The following LPCAT2 variants were observed in gnomAD, a reference collection of about 807,000 sequenced individuals.
The protein encoded by LPCAT2 is lysophosphatidylcholine acyltransferase 2.
Under a neutral mutation model 64.7 loss-of-function variants are expected in LPCAT2, and 58 were observed. That is an observed-to-expected ratio of 0.90 (90% CI 0.73 to 1.12). LPCAT2 has a LOEUF of 1.12. Among genes scored for constraint, LPCAT2 ranks in the 50% most tolerant of loss-of-function variants. The pLI is 0.00. For synonymous variants in LPCAT2, 252 were observed against 245.3 expected, an observed-to-expected ratio of 1.03 and a Z score of -0.26; for missense variants, 579 against 669.8, an observed-to-expected ratio of 0.86 and a Z score of 1.50.
chr16:55,546,222 T>C (rs896009264), intron 9 of LPCAT2, among the ~76,000 whole-genome samples: 4 of 151,936 alleles, frequency 2.6e-5, no homozygotes, highest in African/African-American at 9.7e-5. Flanking sequence ...CAAAAAGAGA[T>C]GCATAGAAGA....
chr16:55,543,288 A>G (rs987387085), intron 8 of LPCAT2, among the ~76,000 whole-genome samples: 8 of 152,210 alleles, frequency 5.3e-5, no homozygotes, highest in Non-Finnish European at 8.8e-5. Flanking sequence ...GTTATTAAAA[A>G]TCATTTTATG....
intron 11 of LPCAT2, among the ~76,000 whole-genome samples, chr16:55,568,275 C>T (rs1596884727): frequency 1.3e-5 from 2 of 152,310 alleles, no homozygotes; most frequent in East Asian, 3.9e-4. Context: ...AATGTTTGCT[C>T]TTACACGTAC....
At chr16:55,553,224 C>T (rs1038045198) in intron 11 of LPCAT2, among the ~76,000 whole-genome samples, 24 of 151,300 alleles carry the variant, frequency 1.6e-4, no homozygotes, top group South Asian at 8.4e-4. Flanking sequence ...GCAACAAGAG[C>T]GAAACTCCAT....
chr16:55,514,810 G>A (rs1370767681), intron 1 of LPCAT2, among the ~76,000 whole-genome samples: 1 of 151,310 alleles, frequency 6.6e-6, no homozygotes, highest in Non-Finnish European at 1.5e-5. Flanking sequence ...AATAACTAAA[G>A]GAAACCATGT....
chr16:55,567,457 T>C (rs1963717714), intron 11 of LPCAT2: 1 of 1,613,696 alleles, frequency 6.2e-7, no homozygotes, highest in African/African-American at 1.3e-5. Flanking sequence ...GATGGCCTGA[T>C]TCAAGTGTCT....
At chr16:55,531,460 C>T (rs912078743) in intron 4 of LPCAT2, among the ~76,000 whole-genome samples, 1 of 152,094 alleles carries the variant, frequency 6.6e-6, no homozygotes, top group South Asian at 2.1e-4. Flanking sequence ...GCACATTGTA[C>T]ACATATCTTT....
At chr16:55,578,105 A>T (rs1380309923) in intron 12 of LPCAT2, among the ~76,000 whole-genome samples, 1 of 152,064 alleles carries the variant, frequency 6.6e-6, no homozygotes, top group African/African-American at 2.4e-5. Context: ...TGGTTCTCCT[A>T]TCTGGCTGCT....
chr16:55,567,750 T>C, intron 11 of LPCAT2: 1 of 426,278 alleles, frequency 2.3e-6, no homozygotes, highest in South Asian at 4.0e-5. Flanking sequence ...TGCATATATA[T>C]GGTGGGGAGG....
intron 1 of LPCAT2, among the ~76,000 whole-genome samples, chr16:55,521,629 G>T (rs1369601138): frequency 6.6e-6 from 1 of 151,676 alleles, no homozygotes; most frequent in Non-Finnish European, 1.5e-5. Context: ...ATGATACTGT[G>T]TATATCACTT....
At chr16:55,579,998 G>A (rs1963871252) in intron 13 of LPCAT2, among the ~76,000 whole-genome samples, 2 of 152,150 alleles carry the variant, frequency 1.3e-5, no homozygotes, top group African/African-American at 4.8e-5. Flanking sequence ...ACACCTCAAT[G>A]GAGAGACCAA....
intron 1 of LPCAT2, among the ~76,000 whole-genome samples, chr16:55,521,943 A>G (rs1202765427): frequency 1.3e-5 from 2 of 151,744 alleles, no homozygotes; most frequent in African/African-American, 4.8e-5. Flanking sequence ...AATAAGACAA[A>G]TATCTTGTTC....
At chr16:55,527,165 C>A (rs1331222036) in intron 2 of LPCAT2, among the ~76,000 whole-genome samples, 1 of 152,048 alleles carries the variant, frequency 6.6e-6, no homozygotes, top group Non-Finnish European at 1.5e-5. Context: ...ACAGAAACTT[C>A]TTTGGAACTA....
chr16:55,521,931 G>A (rs1963102132), intron 1 of LPCAT2, among the ~76,000 whole-genome samples: 1 of 151,586 alleles, frequency 6.6e-6, no homozygotes. Flanking sequence ...TCAAAGGTTT[G>A]GAATAAGACA....
rs1963908641 is a variant in LPCAT2, at chr16:55,583,325, AT to A, written c.*230del. The A allele has an allele frequency of 7.5e-6, 3 of 400,782 alleles. No individual in the cohort carries two copies. The highest frequency in any genetic ancestry group is 1.4e-5 in the Non-Finnish European group (3 of 222,162). 24.8% of individuals were successfully genotyped at this position (400,782 alleles called of 1,614,324 possible). A position where few individuals can be genotyped will look rare whatever the true frequency, so the allele number is the denominator to read the frequency against. ...GTGTTATATTGTACTTTACTGATTC[AT>A]TTACTGGTGATACATATGTTTTTAT... On this transcript the variant is annotated 3_prime_UTR_variant, in exon 14 of 14. Transcript: ENST00000262134.
intron 7 of LPCAT2, among the ~76,000 whole-genome samples, chr16:55,535,424 G>A (rs1003184684): frequency 6.6e-6 from 1 of 152,136 alleles, no homozygotes; most frequent in Non-Finnish European, 1.5e-5. Flanking sequence ...ATAGGTAACT[G>A]ATGAGACAGT....
At position 55,585,657 on chromosome 16, in the gene LPCAT2, G is replaced by GC. The variant is rs1481532831; in HGVS notation, c.*2560dup. Reference sequence around the variant, plus strand: ...GTTGAAGGATAATGACATACTGACTGCTTACAGACCAAGTTGCTTGCATTT... The same window carrying GC: ...GTTGAAGGATAATGACATACTGACTGCCTTACAGACCAAGTTGCTTGCATTT... On this transcript the variant is annotated 3_prime_UTR_variant, in exon 14 of 14. Transcript: ENST00000262134. 2 of 152,178 alleles carry GC rather than the reference G, an allele frequency of 1.3e-5. No homozygotes were observed. Among genetic ancestry groups the GC allele is most frequent in the Non-Finnish European group, 2.9e-5 (2 of 68,034 alleles). The allele number at this position is 152,178 out of a possible 1,614,324, so 9.4% of individuals were successfully genotyped here.
At chr16:55,537,539 A>T (rs370327833) in intron 7 of LPCAT2, 39 bp from the exon 8 acceptor site, 1 of 1,487,786 alleles carries the variant, frequency 6.7e-7, no homozygotes, top group Admixed American at 1.7e-5. Flanking sequence ...TGATACTTGC[A>T]TGACTGTATA....
chr16:55,557,962 A>G (rs1963596118), intron 11 of LPCAT2, among the ~76,000 whole-genome samples: 1 of 152,220 alleles, frequency 6.6e-6, no homozygotes, highest in Admixed American at 6.5e-5. Flanking sequence ...AGCATGGCAT[A>G]GTTCACTAGT....
At chr16:55,527,190 C>T (rs1316943828) in intron 2 of LPCAT2, among the ~76,000 whole-genome samples, 1 of 151,988 alleles carries the variant, frequency 6.6e-6, no homozygotes. Flanking sequence ...CTAATAGCTC[C>T]TCAGTATATT....
Sources: gnomAD v4.1 joint callset for allele counts (sites outside exome capture counted in the v4.1 genomes callset) on GRCh38, gnomAD v4.1.1 for gene constraint, MANE v1.5 for transcripts, NCBI Gene and HGNC (gene_info 2026-07-23, HGNC 2026-07-21) for gene names.